The following FHIT variants were observed in gnomAD, a reference collection of about 807,000 sequenced individuals.
FHIT encodes bis(5'-adenosyl)-triphosphatase.
FHIT carries 19 observed loss-of-function variants against 17.9 expected under a neutral mutation model. The ratio of observed to expected loss-of-function variants is 1.06; its 90% confidence interval spans 0.74 to 1.56. FHIT has a LOEUF of 1.56. FHIT is among the 40% of genes most tolerant of loss of function. FHIT has a pLI of 0.00. For synonymous variants in FHIT, 81 were observed against 69.7 expected (o/e 1.16, Z -0.81); for missense variants, 248 against 189.2 (o/e 1.31, Z -1.82).
At chr3:60,025,686 G>GAATAAGCTAA (rs1224776729) in intron 5 of FHIT, among the ~76,000 whole-genome samples, 5 of 130,376 alleles carry the variant, frequency 3.8e-5, no homozygotes, top group African/African-American at 1.1e-4. Flanking sequence ...CAAAATTAAA[G>GAATAAGCTAA]AATAAGCTAA....
At position 61,209,907 on chromosome 3, in the gene FHIT, G is replaced by C. The variant is rs577559613; in HGVS notation, c.-212-9242C>G. 5.0e-3 allele frequency among the ~76,000 whole-genome samples: 760 copies of C among 152,288 alleles called. 8 individuals are homozygous for C. The highest frequency in any genetic ancestry group is 0.018 in the African/African-American group (729 of 41,554). ...GGCACTCTGATTTTTAGAGTTTCCA[G>C]TTTTTCTGCTCTGTTTTTTCCCCAT... On this transcript the variant is annotated intron_variant, in intron 1 of 9. Coordinates refer to ENST00000492590, the MANE Select transcript of FHIT (RefSeq NM_002012.4).
At chr3:60,950,077 C>T (rs1708810669) in intron 3 of FHIT, among the ~76,000 whole-genome samples, 1 of 152,122 alleles carries the variant, frequency 6.6e-6, no homozygotes, top group Admixed American at 6.6e-5. Flanking sequence ...ATTGTGCATG[C>T]ATTACCTTTT....
chr3:59,754,508 TATAACAATTCA>T (rs890160378), intron 8 of FHIT, among the ~76,000 whole-genome samples: 2 of 151,560 alleles, frequency 1.3e-5, no homozygotes, highest in African/African-American at 2.4e-5. Context: ...CATCTTATCT[TATAACAATTCA>T]ATAGGATGAC....
intron 4 of FHIT, among the ~76,000 whole-genome samples, chr3:60,767,501 T>C (rs782594155): frequency 5.9e-5 from 9 of 152,222 alleles, no homozygotes; most frequent in Non-Finnish European, 1.3e-4. Flanking sequence ...TGGTAAGTGA[T>C]GGAAGTGAGA....
At chr3:60,781,142 C>G (rs926139) in intron 4 of FHIT, among the ~76,000 whole-genome samples, 92,189 of 152,090 alleles carry the variant, frequency 0.61, 29,668 homozygotes, top group African/African-American at 0.82. Context: ...GGCCAAAGCA[C>G]ATAAGTGGAG....
At chr3:60,268,531 G>A (rs1327764309) in intron 5 of FHIT, among the ~76,000 whole-genome samples, 1 of 152,190 alleles carries the variant, frequency 6.6e-6, no homozygotes, top group East Asian at 1.9e-4. Context: ...GACATTTATT[G>A]AGTAAGAAGA....
At chr3:60,510,922 G>A (rs1046627467) in intron 5 of FHIT, among the ~76,000 whole-genome samples, 5 of 152,056 alleles carry the variant, frequency 3.3e-5, no homozygotes, top group African/African-American at 7.2e-5. Flanking sequence ...CTCTAACCTC[G>A]GAGGTCTTAC....
At chr3:59,751,699 G>A (rs1450831624) in intron 9 of FHIT, 5 of 230,080 alleles carry the variant, frequency 2.2e-5, no homozygotes, top group Middle Eastern at 1.3e-3. Flanking sequence ...CCTAGGAGCC[G>A]AACATAAAGG....
At chr3:60,647,674 T>A (rs1553687114) in intron 4 of FHIT, among the ~76,000 whole-genome samples, 1 of 152,210 alleles carries the variant, frequency 6.6e-6, no homozygotes, top group African/African-American at 2.4e-5. Flanking sequence ...TGCCTCTGAT[T>A]GCTGGATAAC....
intron 5 of FHIT, among the ~76,000 whole-genome samples, chr3:60,341,787 C>T (rs1710528291): frequency 6.6e-6 from 1 of 151,970 alleles, no homozygotes; most frequent in Admixed American, 6.6e-5. Context: ...TATTTTAGTG[C>T]GAGGTAACCA....
chr3:60,322,963 G>A (rs1337218098), intron 5 of FHIT, among the ~76,000 whole-genome samples: 1 of 152,186 alleles, frequency 6.6e-6, no homozygotes, highest in Non-Finnish European at 1.5e-5. Context: ...CAGAAGGACT[G>A]TATAGAAGAC....
At chr3:60,476,728 TAA>T (rs1018987521) in intron 5 of FHIT, among the ~76,000 whole-genome samples, 5 of 152,124 alleles carry the variant, frequency 3.3e-5, no homozygotes, top group Non-Finnish European at 7.3e-5. Flanking sequence ...GCACTGGGTA[TAA>T]ACAAATCAGC....
chr3:60,466,093 C>T (rs1371330697), intron 5 of FHIT, among the ~76,000 whole-genome samples: 4 of 151,864 alleles, frequency 2.6e-5, no homozygotes, highest in African/African-American at 9.7e-5. Flanking sequence ...TCACTGTGGA[C>T]ATCTTTCACT....
At chr3:60,398,365 A>C (rs945695188) in intron 5 of FHIT, among the ~76,000 whole-genome samples, 3 of 152,186 alleles carry the variant, frequency 2.0e-5, no homozygotes, top group Non-Finnish European at 2.9e-5. Flanking sequence ...CTCATAAAGG[A>C]CAATGCCAGT....
At chr3:60,129,936 G>C (rs1232488261) in intron 5 of FHIT, among the ~76,000 whole-genome samples, 1 of 151,892 alleles carries the variant, frequency 6.6e-6, no homozygotes, top group East Asian at 1.9e-4. Flanking sequence ...GTCTGTTTTT[G>C]TGCCCTTTTC....
At chr3:60,207,868 C>G (rs887640179) in intron 5 of FHIT, among the ~76,000 whole-genome samples, 1 of 152,156 alleles carries the variant, frequency 6.6e-6, no homozygotes, top group African/African-American at 2.4e-5. Flanking sequence ...GAGGCTGCAT[C>G]ATTTCTGCAG....
intron 4 of FHIT, among the ~76,000 whole-genome samples, chr3:60,635,229 T>G (rs960086166): frequency 6.6e-6 from 1 of 152,208 alleles, no homozygotes; most frequent in Non-Finnish European, 1.5e-5. Flanking sequence ...TTTTTTAAAT[T>G]CAGCCTATTT....
At chr3:59,839,054 T>A (rs1389071724) in intron 8 of FHIT, among the ~76,000 whole-genome samples, 1 of 152,154 alleles carries the variant, frequency 6.6e-6, no homozygotes, top group Non-Finnish European at 1.5e-5. Flanking sequence ...CGGTAGCTCA[T>A]GTCCCCAATC....
chr3:60,631,841 A>C (rs1186222383), intron 4 of FHIT, among the ~76,000 whole-genome samples: 1 of 152,128 alleles, frequency 6.6e-6, no homozygotes, highest in Non-Finnish European at 1.5e-5. Context: ...AAAACAATAA[A>C]TCACTTTGGG....
Sources: gnomAD v4.1 joint callset for allele counts (sites outside exome capture counted in the v4.1 genomes callset) on GRCh38, gnomAD v4.1.1 for gene constraint, MANE v1.5 for transcripts, NCBI Gene and HGNC (gene_info 2026-07-23, HGNC 2026-07-21) for gene names.